Variants in RAB8A observed in about 807,000 individuals in gnomAD.
RAB8A encodes the protein ras-related protein Rab-8A.
RAB8A carries 5 observed loss-of-function variants against 29.2 expected under a neutral mutation model. The observed-to-expected ratio is 0.17, with a 90% confidence interval of 0.09 to 0.36. The LOEUF (loss-of-function observed/expected upper bound fraction) is 0.36. Among genes scored for constraint, RAB8A ranks in the 10% least tolerant of loss-of-function variants. The pLI is 1.00. For missense variants in RAB8A, 171 were observed against 272.2 expected (o/e 0.63, Z 2.62); for synonymous variants, 108 against 99.9 (o/e 1.08, Z -0.49).
rs202121639 is a variant in RAB8A at position 16,133,453 on chromosome 19, CT to C, written c.*1162del. 170 of 144,746 alleles carry C rather than the reference CT, an allele frequency of 1.2e-3. No homozygotes were observed. The highest frequency in any genetic ancestry group is 9.6e-4 in the Non-Finnish European group (63 of 65,752). 9.0% of individuals were successfully genotyped at this position (144,746 alleles called of 1,614,324 possible). On this transcript the variant is annotated 3_prime_UTR_variant, in exon 8 of 8. Coordinates refer to ENST00000300935, the MANE Select transcript of RAB8A (RefSeq NM_005370.5). ...TCACCAGCCTTTTCTTTTTTTCTTT[CT>C]TTTTTTTTTTTTCCTCCTTAAGCTG...
Position 16,127,291 on chromosome 19 carries a change from C to A in RAB8A, c.325-146C>A. On this transcript the variant is annotated intron_variant, in intron 4 of 7. Coordinates refer to ENST00000300935, the MANE Select transcript of RAB8A (RefSeq NM_005370.5). The surrounding 1 kb of genome is among the most constrained non-coding windows in gnomAD (Gnocchi z 4.8). ...ACATGGGGCCGGCTGCTTGGCCTCT[C>A]TGAGCTTCAGCTTGTCCCTTAGACC... The A allele has an allele frequency of 2.2e-6, 1 of 446,916 alleles. No homozygotes were observed. The highest frequency in any genetic ancestry group is 3.8e-6 in the Non-Finnish European group (1 of 260,654). 27.7% of individuals were successfully genotyped at this position (446,916 alleles called of 1,614,324 possible).
At chr19:16,113,909 C>G (rs1009836353) in intron 1 of RAB8A, among the ~76,000 whole-genome samples, 2 of 152,092 alleles carry the variant, frequency 1.3e-5, no homozygotes, top group Non-Finnish European at 2.9e-5. Context: ...GGGGTTGTCA[C>G]CACAACCAGA....
chr19:16,112,804 T>A (rs1393429194), intron 1 of RAB8A: 1 of 152,258 alleles, frequency 6.6e-6, no homozygotes, highest in Admixed American at 6.6e-5. Flanking sequence ...ATAAGCGTAT[T>A]TTCCTCTAGA....
intron 3 of RAB8A, among the ~76,000 whole-genome samples, chr19:16,123,228 C>G (rs2090882659): frequency 6.6e-6 from 1 of 152,212 alleles, no homozygotes; most frequent in Non-Finnish European, 1.5e-5. Context: ...CCAAGATGAT[C>G]GTGGCTTTCC....
intron 2 of RAB8A, among the ~76,000 whole-genome samples, chr19:16,119,250 G>C (rs2090861840): frequency 6.6e-6 from 1 of 151,470 alleles, no homozygotes; most frequent in South Asian, 2.1e-4. Context: ...TTGTCGCCTA[G>C]GCTGGAGTGC....
At chr19:16,120,136 A>G (rs766087618) in intron 2 of RAB8A, among the ~76,000 whole-genome samples, 3 of 151,904 alleles carry the variant, frequency 2.0e-5, no homozygotes, top group Non-Finnish European at 4.4e-5. Context: ...TTAACCACTC[A>G]TGTCTCCTGC....
At chr19:16,119,418 T>G (rs2090862846) in intron 2 of RAB8A, among the ~76,000 whole-genome samples, 2 of 152,186 alleles carry the variant, frequency 1.3e-5, no homozygotes, top group African/African-American at 4.8e-5. Context: ...TTGGTCAGGC[T>G]GGTCTCCAAC....
Position 16,127,337 on chromosome 19 carries a change from G to T in RAB8A, c.325-100G>T. 1.4e-6 allele frequency: 1 copy of T among 737,108 alleles called. No homozygotes were observed. The allele number at this position is 737,108 out of a possible 1,614,324, so 45.7% of individuals were successfully genotyped here. On this transcript the variant is annotated intron_variant, in intron 4 of 7. Transcript: ENST00000300935. This position sits in a 1 kb window ranked among gnomAD's most constrained non-coding sequence, Gnocchi z 4.8. ...AGACCAGGCTGTACCTAGCAGTCCTGACCCCACCGCTCTGATTTCTGGGGA... is the reference window on the plus strand; with the variant it reads ...AGACCAGGCTGTACCTAGCAGTCCTTACCCCACCGCTCTGATTTCTGGGGA...
At chr19:16,114,254 C>G (rs1056917209) in intron 1 of RAB8A, among the ~76,000 whole-genome samples, 1 of 151,526 alleles carries the variant, frequency 6.6e-6, no homozygotes, top group African/African-American at 2.4e-5. Flanking sequence ...GGCAACAGAG[C>G]GAGACCCTGT....
Position 16,121,669 on chromosome 19 carries a change from C to T in RAB8A, c.186-81C>T, listed in dbSNP as rs1028787897. ...GCTGAACGGTGAGAAAGCCAGGCAT[C>T]CCGGGTAGATGCTCCTTGTCTCCTA... On this transcript the variant is annotated intron_variant, in intron 2 of 7. Coordinates refer to ENST00000300935, the MANE Select transcript of RAB8A (RefSeq NM_005370.5). 3.0e-6 allele frequency: 4 copies of T among 1,332,268 alleles called. No individual in the cohort carries two copies. In the African/African-American group the frequency reaches 4.4e-5, roughly 15 times the overall value. The allele number at this position is 1,332,268 out of a possible 1,614,324, so 82.5% of individuals were successfully genotyped here.
intron 1 of RAB8A, among the ~76,000 whole-genome samples, chr19:16,117,204 G>A (rs1172537009): frequency 6.6e-6 from 1 of 152,006 alleles, no homozygotes; most frequent in African/African-American, 2.4e-5. Flanking sequence ...GTTTGGAGCA[G>A]AGGGCCGGGT....
rs913319894 is a variant in RAB8A, at chr19:16,132,073, G to GTTGT, written c.532-135_532-132dup. 1 of 673,734 alleles carries GTTGT rather than the reference G, an allele frequency of 1.5e-6. No homozygotes were observed. The highest frequency in any genetic ancestry group is 2.6e-6 in the Non-Finnish European group (1 of 382,052). 41.7% of individuals were successfully genotyped at this position (673,734 alleles called of 1,614,324 possible). On this transcript the variant is annotated intron_variant, in intron 7 of 7. Transcript: ENST00000300935. The surrounding 1 kb of genome is among the most constrained non-coding windows in gnomAD (Gnocchi z 5.6). ...TGGTTTGGCTGGTTTGATTGGTTTG[G>GTTGT]TTGTTTGGTTGGTTGGTTGGTTGGT...
chr19:16,112,423 A>G (rs2090828661), intron 1 of RAB8A: 1 of 209,816 alleles, frequency 4.8e-6, no homozygotes, highest in Admixed American at 5.2e-5. Flanking sequence ...GTGGCATCTC[A>G]CCTTAATGAG....
Position 16,125,770 on chromosome 19 carries a change from C to T in RAB8A, c.324+223C>T. 1.5e-6 allele frequency: 1 copy of T among 666,890 alleles called. No individual in the cohort carries two copies. Among genetic ancestry groups the T allele is most frequent in the Non-Finnish European group, 2.8e-6 (1 of 361,808 alleles). 41.3% of individuals were successfully genotyped at this position (666,890 alleles called of 1,614,324 possible). ...CCGGAGCCCCTCGGAGCCCATCCCT[C>T]CAGCTAGGCTGTTGGATCTGGCCAG... On this transcript the variant is annotated intron_variant, in intron 4 of 7. Transcript: ENST00000300935. The surrounding 1 kb of genome is among the most constrained non-coding windows in gnomAD (Gnocchi z 5.0).
Position 16,125,182 on chromosome 19 carries a change from C to T in RAB8A, c.247-288C>T. On this transcript the variant is annotated intron_variant, in intron 3 of 7. Coordinates refer to ENST00000300935, the MANE Select transcript of RAB8A (RefSeq NM_005370.5). The surrounding 1 kb of genome is among the most constrained non-coding windows in gnomAD (Gnocchi z 5.0). ...TGGGCCATGAGGGGAGCCAGCCGGG[C>T]TTGTCAGCGAGTGCGTGGCAGGGGC... is the stretch of plus-strand genomic sequence containing the variant. 2 of 512,814 alleles carry T rather than the reference C, an allele frequency of 3.9e-6. No individual in the cohort carries two copies. The highest frequency in any genetic ancestry group is 4.4e-5 in the South Asian group (2 of 45,678). 31.8% of individuals were successfully genotyped at this position (512,814 alleles called of 1,614,324 possible). A position where few individuals can be genotyped will look rare whatever the true frequency, so the allele number is the denominator to read the frequency against.
Position 16,122,042 on chromosome 19 carries a change from C to T in RAB8A, c.246+232C>T, listed in dbSNP as rs1054296379. 1 of 447,268 alleles carries T rather than the reference C, an allele frequency of 2.2e-6. No individual in the cohort carries two copies. Among genetic ancestry groups the T allele is most frequent in the Non-Finnish European group, 4.1e-6 (1 of 246,184 alleles). 27.7% of individuals were successfully genotyped at this position (447,268 alleles called of 1,614,324 possible). A position where few individuals can be genotyped will look rare whatever the true frequency, so the allele number is the denominator to read the frequency against. Reference sequence around the variant, plus strand: ...ATGCAAGGTTTAAATAAAGTGGAAACATAATTCTTTGGGAATGAAGAAAGA... The same window carrying T: ...ATGCAAGGTTTAAATAAAGTGGAAATATAATTCTTTGGGAATGAAGAAAGA... On this transcript the variant is annotated intron_variant, in intron 3 of 7. Coordinates refer to ENST00000300935, the MANE Select transcript of RAB8A (RefSeq NM_005370.5). The surrounding 1 kb of genome is among the most constrained non-coding windows in gnomAD (Gnocchi z 4.7).
intron 1 of RAB8A, among the ~76,000 whole-genome samples, chr19:16,113,338 G>A (rs2090832340): frequency 6.6e-6 from 1 of 152,162 alleles, no homozygotes; most frequent in Non-Finnish European, 1.5e-5. Context: ...TTATCTCCCT[G>A]AACCCCAAGA....
chr19:16,132,331 C>T lies in RAB8A; in HGVS notation c.*27C>T. 1 of 1,606,248 alleles carries T rather than the reference C, an allele frequency of 6.2e-7. No homozygotes were observed. The highest frequency in any genetic ancestry group is 8.5e-7 in the Non-Finnish European group (1 of 1,175,538). ...GAACACCGCCTTACTCTGAGCCTCG[C>T]TCAGCCCAGCTGACTGTGCCTGTTC... On this transcript the variant is annotated 3_prime_UTR_variant, in exon 8 of 8. Coordinates refer to ENST00000300935, the MANE Select transcript of RAB8A (RefSeq NM_005370.5). This position sits in a 1 kb window ranked among gnomAD's most constrained non-coding sequence, Gnocchi z 5.6.
rs1043452 is a variant in RAB8A, at chr19:16,133,516, G to C, written c.*1212G>C. 0.32 allele frequency: 47,008 copies of C among 148,058 alleles called. 7,407 individuals are homozygous for C. The highest frequency in any genetic ancestry group is 0.35 in the Middle Eastern group (101 of 290). The allele number at this position is 148,058 out of a possible 1,614,324, so 9.2% of individuals were successfully genotyped here. On this transcript the variant is annotated 3_prime_UTR_variant, in exon 8 of 8. Coordinates refer to ENST00000300935, the MANE Select transcript of RAB8A (RefSeq NM_005370.5). ...AACCATTGGCATCATCGTTTCTTTT[G>C]AATTAAAACCAACATATCAGCAATA... is the stretch of plus-strand genomic sequence containing the variant.
Sources: gnomAD v4.1 joint callset for allele counts (sites outside exome capture counted in the v4.1 genomes callset) on GRCh38, gnomAD v4.1.1 for gene constraint, Gnocchi (gnomAD v3.1) non-coding constraint, MANE v1.5 for transcripts, NCBI Gene and HGNC (gene_info 2026-07-23, HGNC 2026-07-21) for gene names.